The following CAD variants were observed in gnomAD, a reference collection of about 807,000 sequenced individuals.
The protein encoded by CAD is multifunctional protein CAD.
In CAD, 81 loss-of-function variants were observed where a neutral mutation model predicts 237.2. The observed-to-expected ratio is 0.34, with a 90% CI of 0.29 to 0.41. CAD has a LOEUF of 0.41. CAD is among the 10% of genes least tolerant of loss of function. The pLI, the probability that CAD is intolerant of heterozygous loss-of-function variation, is 1.00. For synonymous variants in CAD, 1,196 were observed against 1,162.8 expected, an observed-to-expected ratio of 1.03 and a Z score of -0.58; for missense variants, 2,181 against 2,951.7, an observed-to-expected ratio of 0.74 and a Z score of 6.05.
chr2:27,231,926 A>G, intron 16 of CAD, 54 bp from the exon 17 acceptor site: 1 of 1,608,364 alleles, frequency 6.2e-7, no homozygotes, highest in South Asian at 1.1e-5. Flanking sequence ...ACTTACGCTC[A>G]GGCTTTTAGA....
Position 27,242,964 on chromosome 2 carries a change from G to A in CAD, c.6471G>A (p.Glu2157=), listed in dbSNP as rs1390953790. The change falls in exon 42 of 44, where the codon GAG becomes GAA. Residue 2157 remains glutamate, a synonymous_variant. Transcript: ENST00000264705. This position sits in a 1 kb window ranked among gnomAD's most constrained non-coding sequence, Gnocchi z 6.4. ...IQKERFGSTQ[E]YEACFGQFIL... Reference sequence around the variant, plus strand: ...AGGAACGATTTGGCTCTACCCAGGAGTACGAAGCTGTGAGTGCTGGGCTTG... The same window carrying A: ...AGGAACGATTTGGCTCTACCCAGGAATACGAAGCTGTGAGTGCTGGGCTTG... 1 of 1,597,898 alleles carries A rather than the reference G, an allele frequency of 6.3e-7. No homozygotes were observed.
rs150529682 is a variant in CAD at position 27,225,328 on chromosome 2, C to T, written c.1620+85C>T. On this transcript the variant is annotated intron_variant, in intron 11 of 43. Coordinates refer to ENST00000264705, the MANE Select transcript of CAD (RefSeq NM_004341.5). ...CTTTTTTTTTTTTTTTTTTTTGAGA[C>T]GGAGTTTCGCTCTTGTTGCGCAGGC... 1.6e-3 allele frequency: 1,015 copies of T among 635,652 alleles called. 4 individuals are homozygous for T. In the African/African-American group the frequency reaches 0.026, roughly 16 times the overall value. The allele number at this position is 635,652 out of a possible 1,614,324, so 39.4% of individuals were successfully genotyped here.
rs13399758 is a variant in CAD, at chr2:27,232,858, T to C, written c.2892+164T>C. On this transcript the variant is annotated intron_variant, in intron 18 of 43. Coordinates refer to ENST00000264705, the MANE Select transcript of CAD (RefSeq NM_004341.5). This position sits in a 1 kb window ranked among gnomAD's most constrained non-coding sequence, Gnocchi z 4.1. Reference sequence around the variant, plus strand: ...GCCATCTCTCATGCCCCACACGGTATATGAATCTCTTCCCCAACACTTTGT... The same window carrying C: ...GCCATCTCTCATGCCCCACACGGTACATGAATCTCTTCCCCAACACTTTGT... Among the ~76,000 whole-genome samples the C allele has an allele frequency of 0.19, 29,254 of 152,094 alleles. 6,065 individuals are homozygous for C. Among genetic ancestry groups the C allele is most frequent in the African/African-American group, 0.52 (21,728 of 41,418 alleles).
rs755877608 is a variant in CAD, at chr2:27,240,241, T to A, written c.5497-24T>A. On this transcript the variant is annotated intron_variant, in intron 34 of 43. Coordinates refer to ENST00000264705, the MANE Select transcript of CAD (RefSeq NM_004341.5). This position sits in a 1 kb window ranked among gnomAD's most constrained non-coding sequence, Gnocchi z 4.6. Reference sequence around the variant, plus strand: ...CTCAAAAGAAAAAAAAAAAAACAACTCTGGGCCAACGTTATCCCTCCAGAC... The same window carrying A: ...CTCAAAAGAAAAAAAAAAAAACAACACTGGGCCAACGTTATCCCTCCAGAC... 6.5e-7 allele frequency: 1 copy of A among 1,532,892 alleles called. No individual in the cohort carries two copies. Among genetic ancestry groups the A allele is most frequent in the Non-Finnish European group, 8.9e-7 (1 of 1,119,520 alleles). The allele number at this position is 1,532,892 out of a possible 1,614,324, so 95.0% of individuals were successfully genotyped here. A position where few individuals can be genotyped will look rare whatever the true frequency, so the allele number is the denominator to read the frequency against.
Position 27,234,523 on chromosome 2 carries a change from C to T in CAD, c.3624C>T (p.Asp1208=). The T allele has an allele frequency of 6.2e-7, 1 of 1,613,706 alleles. No individual in the cohort carries two copies. Among genetic ancestry groups the T allele is most frequent in the African/African-American group, 1.3e-5 (1 of 75,034 alleles). The change falls in exon 23 of 44, where the codon GAC becomes GAT. Residue 1208 remains aspartate, a synonymous_variant. Coordinates refer to ENST00000264705, the MANE Select transcript of CAD (RefSeq NM_004341.5). ...ACCAGTCTTCTCTGCCCCAGGATGACCAGCTGAAAGTTATTGAATGCAACG... is the reference window on the plus strand; with the variant it reads ...ACCAGTCTTCTCTGCCCCAGGATGATCAGCTGAAAGTTATTGAATGCAACG... ...PFNLQLIAKD[D]QLKVIECNVR...
At chr2:27,231,110 A>G (rs1675729611) in intron 15 of CAD, among the ~76,000 whole-genome samples, 2 of 152,080 alleles carry the variant, frequency 1.3e-5, no homozygotes, top group Admixed American at 1.3e-4. Flanking sequence ...GGTTCACGCC[A>G]TTTTCCTGCC....
intron 10 of CAD, 51 bp from the exon 11 acceptor site, chr2:27,224,959 C>T (rs778928183): frequency 1.2e-6 from 2 of 1,605,480 alleles, no homozygotes; most frequent in Non-Finnish European, 1.7e-6. Flanking sequence ...ACTTTGATTG[C>T]CTCTCTACCC....
chr2:27,224,892 G>T lies in CAD; in HGVS notation c.1386+16G>T. On this transcript the variant is annotated intron_variant, in intron 10 of 43. Transcript: ENST00000264705. ...TGTAACCCAGGTATGACTGGGGCAA[G>T]GCTGGAATGAAAAGAGGACTGGGCA... is the stretch of plus-strand genomic sequence containing the variant. 6.2e-7 allele frequency: 1 copy of T among 1,614,160 alleles called. No individual in the cohort carries two copies. Among genetic ancestry groups the T allele is most frequent in the Non-Finnish European group, 8.5e-7 (1 of 1,180,014 alleles).
Position 27,235,514 on chromosome 2 carries a change from T to C in CAD, c.3970-22T>C. On this transcript the variant is annotated intron_variant, in intron 24 of 43. Coordinates refer to ENST00000264705, the MANE Select transcript of CAD (RefSeq NM_004341.5). The surrounding 1 kb of genome is among the most constrained non-coding windows in gnomAD (Gnocchi z 5.2). ...AATGGAAGACAGGAAGAAAACAATT[T>C]CATCCTTCTGTTTGGTTTCAGAACA... 1 of 1,613,742 alleles carries C rather than the reference T, an allele frequency of 6.2e-7. No individual in the cohort carries two copies. Among genetic ancestry groups the C allele is most frequent in the Non-Finnish European group, 8.5e-7 (1 of 1,179,736 alleles).
In CAD at chr2:27,239,050, A is replaced by G; in HGVS notation, c.5071A>G (p.Thr1691Ala). 6.4e-7 allele frequency: 1 copy of G among 1,556,602 alleles called. No individual in the cohort carries two copies. The highest frequency in any genetic ancestry group is 2.2e-5 in the East Asian group (1 of 44,520). ...DCFASDHAPH[T>A]LEEKCGSRPP... is the part of the protein sequence containing the mutation. ...GGCTTTCTTTCTCCCAGCTCCCCAT[A>G]CCTTGGAGGAGAAGTGTGGGTCCAG... The change falls in exon 32 of 44, where the codon ACC (threonine) becomes GCC (alanine). Residue 1691 changes from threonine to alanine, a missense_variant. By Grantham distance (58) the Thr-to-Ala change is moderately conservative. Coordinates refer to ENST00000264705, the MANE Select transcript of CAD (RefSeq NM_004341.5). This position sits in a 1 kb window ranked among gnomAD's most constrained non-coding sequence, Gnocchi z 4.0.
chr2:27,238,863 G>T (rs1255745932), intron 31 of CAD, among the ~76,000 whole-genome samples, 179 bp from the exon 32 acceptor site: 2 of 152,248 alleles, frequency 1.3e-5, no homozygotes, highest in South Asian at 4.1e-4. Flanking sequence ...ATGGGTAAAA[G>T]TGTGGGCTCC....
At chr2:27,234,488 A>G (rs367622276) in intron 22 of CAD, 30 bp from the exon 23 acceptor site, 20 of 1,608,588 alleles carry the variant, frequency 1.2e-5, no homozygotes, top group Non-Finnish European at 1.6e-5. Flanking sequence ...GCCAACCTGC[A>G]GAAGGCCTGA....
At chr2:27,219,348 G>GTT (rs58362878) in intron 2 of CAD, among the ~76,000 whole-genome samples, 5,332 of 147,102 alleles carry the variant, frequency 0.036, 204 homozygotes, top group African/African-American at 0.096. Context: ...TATGGTTTTT[G>GTT]TTTTTTTTTT....
In CAD at chr2:27,234,565, C is replaced by T; in HGVS notation, c.3666C>T (p.Ser1222=). Residue 1222 remains serine, a synonymous_variant, in exon 23 of 44, where the codon TCC becomes TCT. Coordinates refer to ENST00000264705, the MANE Select transcript of CAD (RefSeq NM_004341.5). ...VIECNVRVSR[S]FPFVSKTLGV... is the part of the protein sequence containing the mutation. Reference sequence around the variant, plus strand: ...AATGCAACGTACGTGTCTCTCGCTCCTTCCCCTTCGTTTCCAAGACACTGG... The same window carrying T: ...AATGCAACGTACGTGTCTCTCGCTCTTTCCCCTTCGTTTCCAAGACACTGG... 1 of 1,614,062 alleles carries T rather than the reference C, an allele frequency of 6.2e-7. No homozygotes were observed. Among genetic ancestry groups the T allele is most frequent in the Non-Finnish European group, 8.5e-7 (1 of 1,179,940 alleles).
At chr2:27,218,280 G>A (rs370840178) in intron 2 of CAD, among the ~76,000 whole-genome samples, 1 of 152,218 alleles carries the variant, frequency 6.6e-6, no homozygotes, top group African/African-American at 2.4e-5. Flanking sequence ...AAAGCATTCT[G>A]TATGTAGTGA....
In CAD at chr2:27,243,572, C is replaced by A; in HGVS notation, c.*54C>A. The A allele has an allele frequency of 7.4e-7, 1 of 1,343,084 alleles. No homozygotes were observed. Among genetic ancestry groups the A allele is most frequent in the South Asian group, 1.3e-5 (1 of 79,416 alleles). 83.2% of individuals were successfully genotyped at this position (1,343,084 alleles called of 1,614,324 possible). The stretch of plus-strand genomic sequence containing the variant: ...AGGCCCAGCTGCTGGGCAAGGAATT[C>A]CAGTGCCTCCTACGGGGGCAGCACA... On this transcript the variant is annotated 3_prime_UTR_variant, in exon 44 of 44. Transcript: ENST00000264705.
intron 23 of CAD, among the ~76,000 whole-genome samples, 153 bp downstream of exon 23, chr2:27,234,838 A>G (rs146908845): frequency 5.5e-4 from 83 of 152,232 alleles, no homozygotes; most frequent in African/African-American, 2.0e-3. Flanking sequence ...TTAAGAGCTT[A>G]CTTTATGGTA....
In CAD at chr2:27,226,979, G is replaced by A; in HGVS notation, c.2287+17G>A. The A allele has an allele frequency of 1.2e-6, 2 of 1,613,534 alleles. No homozygotes were observed. The highest frequency in any genetic ancestry group is 1.7e-4 in the Middle Eastern group (1 of 6,046). The stretch of plus-strand genomic sequence containing the variant: ...AGAGCGTTGGTGAGACTCATGCCCT[G>A]GGCACCCCCATGGGGCCCCACCATG... On this transcript the variant is annotated intron_variant, in intron 15 of 43. Coordinates refer to ENST00000264705, the MANE Select transcript of CAD (RefSeq NM_004341.5).
At chr2:27,223,826 G>T (rs983490132) in intron 7 of CAD, 78 bp downstream of exon 7, 1 of 1,565,572 alleles carries the variant, frequency 6.4e-7, no homozygotes, top group East Asian at 2.2e-5. Flanking sequence ...CACGGCAGTG[G>T]ATCCGAGTCC....
Sources: allele counts gnomAD v4.1 joint callset (sites outside exome capture counted in the v4.1 genomes callset), GRCh38; gene constraint gnomAD v4.1.1; non-coding constraint Gnocchi (gnomAD v3.1); transcripts MANE v1.5; gene names NCBI Gene and HGNC (gene_info 2026-07-23, HGNC 2026-07-21).